The following NLRC3 variants were observed in gnomAD, a reference collection of about 807,000 sequenced individuals.
The protein encoded by NLRC3 is NLR family CARD domain containing 3.
Under a neutral mutation model 91.6 loss-of-function variants are expected in NLRC3, and 87 were observed. The ratio of observed to expected loss-of-function variants is 0.95; its 90% CI spans 0.80 to 1.14. NLRC3 has a LOEUF of 1.14. Ranked by LOEUF, NLRC3 falls within the 50% of genes most tolerant of loss-of-function variation. The pLI, the probability that NLRC3 is intolerant of heterozygous loss-of-function variation, is 0.00. For synonymous variants in NLRC3, 694 were observed against 625.3 expected, an observed-to-expected ratio of 1.11 and a Z score of -1.64; for missense variants, 1,577 against 1,418.6, an observed-to-expected ratio of 1.11 and a Z score of -1.79.
At chr16:3,552,323 G>A in intron 9 of NLRC3, 44 bp from the exon 10 acceptor site, 1 of 1,400,990 alleles carries the variant, frequency 7.1e-7, no homozygotes, top group Non-Finnish European at 1.0e-6. Context: ...GCTGGTCACA[G>A]CCATTCCCAG....
chr16:3,546,778 C>T (rs939074163), intron 15 of NLRC3, among the ~76,000 whole-genome samples: 1 of 151,986 alleles, frequency 6.6e-6, no homozygotes, highest in African/African-American at 2.4e-5. Context: ...GGGACACGGA[C>T]GTGGGAGTCG....
At chr16:3,543,095 G>A in intron 17 of NLRC3, 1 of 485,810 alleles carries the variant, frequency 2.1e-6, no homozygotes, top group Non-Finnish European at 3.7e-6. Context: ...GCAAGGGCAG[G>A]AATTCTGAGG....
chr16:3,563,075 G>T lies in NLRC3; in HGVS notation c.1862C>A (p.Ser621Tyr). 6.4e-7 allele frequency: 1 copy of T among 1,567,814 alleles called. No homozygotes were observed. The highest frequency in any genetic ancestry group is 2.4e-5 in the East Asian group (1 of 42,426). The stretch of plus-strand genomic sequence containing the variant: ...AAGGACGCCCTGGCTGAGGCTCAGG[G>T]ACAGGTTGGCCTCCTGGGCACAGGC... ...SDACAQEANL[S>Y]LSLSQGVLQS... The change falls in exon 5 of 20, where the codon TCC becomes TAC. Residue 621 changes from serine (S) to tyrosine (Y), a missense_variant. By Grantham distance (144) the Ser-to-Tyr change is moderately radical. Transcript: ENST00000359128.
chr16:3,563,597 G>T lies in NLRC3; in HGVS notation c.1340C>A (p.Ser447Ter), dbSNP rs773155391. ...CFLQREETLA[S>*]SVAYCFTHLS... Reference sequence around the variant, plus strand: ...GTGGGTGAAGCAGTAGGCCACTGACGATGCCAACGTCTCCTCTCTCTGCAG... The same window carrying T: ...GTGGGTGAAGCAGTAGGCCACTGACTATGCCAACGTCTCCTCTCTCTGCAG... Residue 447 changes from serine to a stop codon, truncating the protein, a stop_gained, in exon 5 of 20, where the codon TCG becomes TAG. Transcript: ENST00000359128. LOFTEE classifies it high-confidence loss of function. 1 of 1,613,108 alleles carries T rather than the reference G, an allele frequency of 6.2e-7. No individual in the cohort carries two copies. The highest frequency in any genetic ancestry group is 1.7e-5 in the Admixed American group (1 of 59,984).
At chr16:3,544,632 G>T in intron 15 of NLRC3, 1 of 353,618 alleles carries the variant, frequency 2.8e-6, no homozygotes, top group Non-Finnish European at 5.3e-6. Flanking sequence ...CAGCCAACCA[G>T]AAAATGAACT....
chr16:3,572,271 C>G (rs1383868334), intron 1 of NLRC3, among the ~76,000 whole-genome samples: 16 of 151,708 alleles, frequency 1.1e-4, no homozygotes, highest in Non-Finnish European at 2.2e-4. Context: ...ACATAACAGA[C>G]TGCATTGGTG....
In NLRC3 at chr16:3,549,286, A is replaced by G. The variant is rs1218512300; in HGVS notation, c.2520-61T>C. ...GCAGATGAGGTGTCTGGCAAAGCCA[A>G]GCCCAGGTGTTTAGGCTTCTTGAAG... On this transcript the variant is annotated intron_variant, in intron 12 of 19. Coordinates refer to ENST00000359128, the MANE Select transcript of NLRC3 (RefSeq NM_178844.4). The G allele has an allele frequency of 4.0e-6, 5 of 1,261,430 alleles. No homozygotes were observed. The South Asian group carries it at 6.4e-5, about 16-fold the overall frequency. 78.1% of individuals were successfully genotyped at this position (1,261,430 alleles called of 1,614,324 possible).
At chr16:3,547,334 C>T (rs531267547) in intron 15 of NLRC3, among the ~76,000 whole-genome samples, 2 of 152,282 alleles carry the variant, frequency 1.3e-5, no homozygotes, top group East Asian at 1.9e-4. Context: ...GGCCACGTAT[C>T]GCACAATTCC....
chr16:3,557,383 T>C, intron 7 of NLRC3, among the ~76,000 whole-genome samples: 1 of 152,182 alleles, frequency 6.6e-6, no homozygotes, highest in South Asian at 2.1e-4. Context: ...GGCCTCCCTG[T>C]GTCTTATTCC....
chr16:3,557,019 C>T (rs745634829), intron 7 of NLRC3, 25 bp from the exon 8 acceptor site: 12 of 1,496,102 alleles, frequency 8.0e-6, no homozygotes, highest in Non-Finnish European at 1.1e-5. Context: ...AAAGAGACAC[C>T]TCCTTCATCT....
chr16:3,543,525 GC>G lies in NLRC3; in HGVS notation c.2856-18del. ...ACCTGGAGACTGGGGCGGAGAGGGTGCCGTCAGTGTGAGCCGGCTGGGCCCA... is the reference window on the plus strand; with the variant it reads ...ACCTGGAGACTGGGGCGGAGAGGGTGCGTCAGTGTGAGCCGGCTGGGCCCA... On this transcript the variant is annotated intron_variant, in intron 16 of 19. Coordinates refer to ENST00000359128, the MANE Select transcript of NLRC3 (RefSeq NM_178844.4). 1 of 1,601,912 alleles carries G rather than the reference GC, an allele frequency of 6.2e-7. No homozygotes were observed. The highest frequency in any genetic ancestry group is 8.5e-7 in the Non-Finnish European group (1 of 1,172,036).
intron 9 of NLRC3, among the ~76,000 whole-genome samples, chr16:3,553,640 G>GTTTAATA (rs1229306766): frequency 6.6e-6 from 1 of 152,084 alleles, no homozygotes; most frequent in Non-Finnish European, 1.5e-5. Flanking sequence ...TCAGTTTAAT[G>GTTTAATA]TTTATCCAAT....
Position 3,564,467 on chromosome 16 carries a change from T to C in NLRC3, c.470A>G (p.His157Arg). The C allele has an allele frequency of 1.2e-6, 2 of 1,612,530 alleles. No homozygotes were observed. The highest frequency in any genetic ancestry group is 8.5e-7 in the Non-Finnish European group (1 of 1,179,858). The change falls in exon 5 of 20, where the codon CAC becomes CGC. Residue 157 changes from histidine (H) to arginine (R), a missense_variant. By Grantham distance (29) the His-to-Arg change is conservative. Transcript: ENST00000359128. This position sits in a 1 kb window ranked among gnomAD's most constrained non-coding sequence, Gnocchi z 5.9. ...AGMGKTTLVR[H>R]FVRLWAHGQV... ...CCCATGGGCCCAGAGGCGGACGAAG[T>C]GCCTCACCAGGGTGGTCTTGCCCAT...
chr16:3,561,870 C>T (rs1439409771), intron 5 of NLRC3, 82 bp from the exon 6 acceptor site: 1 of 927,438 alleles, frequency 1.1e-6, no homozygotes, highest in African/African-American at 1.6e-5. Context: ...CTCTGCCTCT[C>T]TCCATCCCAT....
chr16:3,541,493 G>T lies in NLRC3; in HGVS notation c.*332C>A. Reference sequence around the variant, plus strand: ...GCAGTAATAAACATTTTTAAAGGTTGGGGACACATGAAGTCCTCAGGGTGT... The same window carrying T: ...GCAGTAATAAACATTTTTAAAGGTTTGGGACACATGAAGTCCTCAGGGTGT... On this transcript the variant is annotated 3_prime_UTR_variant, in exon 20 of 20. Coordinates refer to ENST00000359128, the MANE Select transcript of NLRC3 (RefSeq NM_178844.4). The T allele has an allele frequency of 3.9e-6, 1 of 254,780 alleles. No homozygotes were observed. 15.8% of individuals were successfully genotyped at this position (254,780 alleles called of 1,614,324 possible). A position where few individuals can be genotyped will look rare whatever the true frequency, so the allele number is the denominator to read the frequency against.
At chr16:3,552,152 G>C in intron 10 of NLRC3, 44 bp downstream of exon 10, 1 of 1,172,714 alleles carries the variant, frequency 8.5e-7, no homozygotes, top group Non-Finnish European at 1.3e-6. Flanking sequence ...TGGGCATTGT[G>C]CTGGGCACTG....
chr16:3,569,405 T>A (rs372870155), intron 1 of NLRC3, among the ~76,000 whole-genome samples: 1,701 of 106,622 alleles, frequency 0.016, 32 homozygotes, highest in Non-Finnish European at 0.023. Flanking sequence ...TTATTTTTTT[T>A]TTTTTTTTTT....
At chr16:3,565,954 C>A (rs1433810432) in intron 2 of NLRC3, among the ~76,000 whole-genome samples, 1 of 151,738 alleles carries the variant, frequency 6.6e-6, no homozygotes, top group Admixed American at 6.6e-5. Context: ...GCAGCAGGAT[C>A]GCTTGAGCCC....
intron 1 of NLRC3, among the ~76,000 whole-genome samples, chr16:3,572,231 T>A (rs2040122502): frequency 6.6e-6 from 1 of 151,994 alleles, no homozygotes; most frequent in Non-Finnish European, 1.5e-5. Flanking sequence ...AAACTATCAT[T>A]TTTCATACGT....
Sources: allele counts gnomAD v4.1 joint callset (sites outside exome capture counted in the v4.1 genomes callset), GRCh38; gene constraint gnomAD v4.1.1; non-coding constraint Gnocchi (gnomAD v3.1); transcripts MANE v1.5; gene names NCBI Gene and HGNC (gene_info 2026-07-23, HGNC 2026-07-21).